The following LRP5 variants were observed in gnomAD, a reference collection of about 807,000 sequenced individuals.
The protein encoded by LRP5 is low-density lipoprotein receptor-related protein 5.
LRP5 carries 62 observed loss-of-function variants against 154.1 expected under a neutral mutation model. The observed-to-expected ratio is 0.40, with a 90% CI of 0.33 to 0.50. LRP5 has a LOEUF of 0.50. Among genes scored for constraint, LRP5 ranks in the 20% least tolerant of loss-of-function variants. The pLI is 0.55. For missense variants in LRP5, 1,915 were observed against 2,336.7 expected, an observed-to-expected ratio of 0.82 and a Z score of 3.72; for synonymous variants, 966 against 1,011.5, an observed-to-expected ratio of 0.96 and a Z score of 0.85.
At chr11:68,360,137 A>T (rs1327087260) in intron 3 of LRP5, among the ~76,000 whole-genome samples, 1 of 151,834 alleles carries the variant, frequency 6.6e-6, no homozygotes. Flanking sequence ...TCAGCCTTCC[A>T]AGTAGCTGAG....
chr11:68,368,266 A>G (rs1218898852), intron 5 of LRP5, among the ~76,000 whole-genome samples: 2 of 152,238 alleles, frequency 1.3e-5, no homozygotes, highest in Non-Finnish European at 2.9e-5. Context: ...GACATAGGAC[A>G]GACCTGGATC....
At chr11:68,345,763 T>G (rs1208034469) in intron 1 of LRP5, among the ~76,000 whole-genome samples, 1 of 152,238 alleles carries the variant, frequency 6.6e-6, no homozygotes, top group East Asian at 1.9e-4. Context: ...CCATAGTAGC[T>G]GCACCATTTC....
chr11:68,324,817 G>A (rs1231453024), intron 1 of LRP5, among the ~76,000 whole-genome samples: 2 of 152,196 alleles, frequency 1.3e-5, no homozygotes, highest in Non-Finnish European at 2.9e-5. Flanking sequence ...TCACGGCCCC[G>A]TGGGCTGTGG....
intron 8 of LRP5, chr11:68,404,228 A>G: frequency 2.0e-6 from 1 of 494,722 alleles, no homozygotes; most frequent in Non-Finnish European, 4.0e-6. Context: ...AAAAGGTGAC[A>G]GAGTTACACT....
At chr11:68,388,933 C>T (rs562118137) in intron 6 of LRP5, among the ~76,000 whole-genome samples, 29 of 152,306 alleles carry the variant, frequency 1.9e-4, no homozygotes, top group Admixed American at 3.9e-4. Flanking sequence ...TCTACTGACA[C>T]CAACATTTAC....
At position 68,411,475 on chromosome 11, in the gene LRP5, C is replaced by A. The variant is rs140616444; in HGVS notation, c.2358C>A (p.Ile786=). The A allele has an allele frequency of 6.2e-7, 1 of 1,613,192 alleles. No individual in the cohort carries two copies. The highest frequency in any genetic ancestry group is 1.1e-5 in the South Asian group (1 of 91,058). The change falls in exon 11 of 23, where the codon ATC becomes ATA. Residue 786 remains isoleucine, a synonymous_variant. Transcript: ENST00000294304. ...CCGAGTGGGGCGGCAAGCCGAGGAT[C>A]GTGCGGGCCTTCATGGACGGGACCA... is the stretch of plus-strand genomic sequence containing the variant. ...YWTEWGGKPR[I]VRAFMDGTNC...
chr11:68,327,917 T>C (rs1195742086), intron 1 of LRP5, among the ~76,000 whole-genome samples: 1 of 152,196 alleles, frequency 6.6e-6, no homozygotes, highest in Non-Finnish European at 1.5e-5. Flanking sequence ...CTTCTCCAAA[T>C]TCTTCTTAAC....
rs149241739 is a variant in LRP5, at chr11:68,410,004, A to T, written c.2182A>T (p.Met728Leu). The stretch of plus-strand genomic sequence containing the variant: ...CCCCGAGGGCATGGCCGTTGACTGG[A>T]TGGGCAAGAACCTCTACTGGGCCGA... ...DYPEGMAVDW[M>L]GKNLYWADTG... The change falls in exon 10 of 23, where the codon ATG becomes TTG. Residue 728 changes from methionine (M) to leucine (L), a missense_variant. Met to Leu is a conservative substitution (Grantham distance 15). Transcript: ENST00000294304. 1,062 of 1,613,914 alleles carry T rather than the reference A, an allele frequency of 6.6e-4. No individual in the cohort carries two copies. Among genetic ancestry groups the T allele is most frequent in the Non-Finnish European group, 8.2e-4 (971 of 1,180,022 alleles).
Position 68,433,709 on chromosome 11 carries a change from G to T in LRP5, c.3871G>T (p.Asp1291Tyr), listed in dbSNP as rs1008519514. ...DGFPECDDQS[D>Y]EEGCPVCSAA... ...CTTTCCCGAGTGCGATGACCAGAGCGACGAGGAGGGCTGCCCCGTGTGCTC... is the reference window on the plus strand; with the variant it reads ...CTTTCCCGAGTGCGATGACCAGAGCTACGAGGAGGGCTGCCCCGTGTGCTC... The change falls in exon 18 of 23, where the codon GAC becomes TAC. Residue 1291 changes from aspartate (D) to tyrosine (Y), a missense_variant. By Grantham distance (160) the Asp-to-Tyr change is radical. Around this residue, in one of 3 missense-constraint regions of LRP5, gnomAD observed 1,094 missense variants for 1,210.1 expected, o/e 0.90. Coordinates refer to ENST00000294304, the MANE Select transcript of LRP5 (RefSeq NM_002335.4). 3.1e-6 allele frequency: 5 copies of T among 1,612,936 alleles called. No homozygotes were observed. The highest frequency in any genetic ancestry group is 4.2e-6 in the Non-Finnish European group (5 of 1,179,956).
chr11:68,431,128 G>C (rs1761631526), intron 17 of LRP5, among the ~76,000 whole-genome samples: 1 of 151,996 alleles, frequency 6.6e-6, no homozygotes, highest in African/African-American at 2.4e-5. Flanking sequence ...AGGTGGCCTT[G>C]GATCCTGTTG....
At chr11:68,348,353 A>C in intron 2 of LRP5, 110 bp downstream of exon 2, 1 of 1,431,016 alleles carries the variant, frequency 7.0e-7, no homozygotes, top group Non-Finnish European at 9.6e-7. Flanking sequence ...TGTGACTCTG[A>C]AAATGAACCC....
intron 1 of LRP5, among the ~76,000 whole-genome samples, chr11:68,317,861 G>A (rs1401684509): frequency 2.6e-5 from 4 of 152,090 alleles, no homozygotes; most frequent in African/African-American, 9.7e-5. Flanking sequence ...TGGGCCAGAG[G>A]TTCCGCCACA....
rs140459150 is a variant in LRP5, at chr11:68,354,584, C to T, written c.489-3066C>T. Among the ~76,000 whole-genome samples the T allele has an allele frequency of 1.6e-3, 240 of 152,348 alleles. 1 individual carries two copies. The highest frequency in any genetic ancestry group is 5.5e-3 in the African/African-American group (229 of 41,588). ...TAAAGCAAGGCGTCTGCCGCAGGCACGCGGGAGCCTTCCCTGGGCTGGCTG... is the reference window on the plus strand; with the variant it reads ...TAAAGCAAGGCGTCTGCCGCAGGCATGCGGGAGCCTTCCCTGGGCTGGCTG... On this transcript the variant is annotated intron_variant, in intron 2 of 22. Coordinates refer to ENST00000294304, the MANE Select transcript of LRP5 (RefSeq NM_002335.4).
intron 1 of LRP5, among the ~76,000 whole-genome samples, chr11:68,315,660 C>T (rs1230409966): frequency 6.6e-6 from 1 of 152,210 alleles, no homozygotes. Flanking sequence ...GGGTTGAGTG[C>T]GATAGAATGG....
At chr11:68,390,646 C>T (rs2098645754) in intron 7 of LRP5, among the ~76,000 whole-genome samples, 2 of 151,814 alleles carry the variant, frequency 1.3e-5, no homozygotes, top group Non-Finnish European at 2.9e-5. Context: ...CGCAGCCTCG[C>T]CCTGCCGCTG....
At chr11:68,396,357 GGA>G (rs1234252522) in intron 7 of LRP5, among the ~76,000 whole-genome samples, 3 of 152,188 alleles carry the variant, frequency 2.0e-5, no homozygotes, top group African/African-American at 7.2e-5. Flanking sequence ...GGGAGTGGTG[GGA>G]GAGAGGATTC....
At chr11:68,443,546 T>TGC (rs1449307332) in intron 21 of LRP5, among the ~76,000 whole-genome samples, 20 of 22,348 alleles carry the variant, frequency 8.9e-4, no homozygotes, top group African/African-American at 4.8e-3. Flanking sequence ...TTTTATGGCA[T>TGC]ATATATATAT....
chr11:68,375,226 C>T (rs1413927640), intron 5 of LRP5, among the ~76,000 whole-genome samples: 4 of 152,174 alleles, frequency 2.6e-5, no homozygotes, highest in Admixed American at 2.0e-4. Flanking sequence ...GCTCTCCCTC[C>T]CCAGTTCCGT....
chr11:68,374,554 G>A (rs1228963694), intron 5 of LRP5, among the ~76,000 whole-genome samples: 3 of 152,128 alleles, frequency 2.0e-5, no homozygotes, highest in South Asian at 2.1e-4. Flanking sequence ...GCAATAAAAC[G>A]CACACATTTT....
Sources: gnomAD v4.1 joint callset for allele counts (sites outside exome capture counted in the v4.1 genomes callset) on GRCh38, gnomAD v4.1.1 for gene constraint, gnomAD v4.1.1 regional missense constraint, MANE v1.5 for transcripts, NCBI Gene and HGNC (gene_info 2026-07-23, HGNC 2026-07-21) for gene names.